Variants in ATP10B observed in about 807,000 individuals in gnomAD.
ATP10B encodes the protein phospholipid-transporting ATPase VB.
A neutral mutation model predicts 141.2 loss-of-function variants in ATP10B; 122 were observed. The ratio of observed to expected loss-of-function variants is 0.86; its 90% CI spans 0.75 to 1.00. The LOEUF (loss-of-function observed/expected upper bound fraction) is 1.00, where lower values mean the gene tolerates loss of function less well. Ranked by LOEUF, ATP10B falls within the 50% of genes least tolerant of loss-of-function variation. The pLI, the probability that ATP10B is intolerant of heterozygous loss-of-function variation, is 0.00. For missense variants in ATP10B, 1,876 were observed against 1,825.3 expected, an observed-to-expected ratio of 1.03 and a Z score of -0.51; for synonymous variants, 685 against 692.0, an observed-to-expected ratio of 0.99 and a Z score of 0.16.
At chr5:160,663,653 C>A (rs10045305) in intron 7 of ATP10B, among the ~76,000 whole-genome samples, 2 of 150,940 alleles carry the variant, frequency 1.3e-5, no homozygotes, top group African/African-American at 2.4e-5. Flanking sequence ...GTGGGGAGAG[C>A]GGGGAGGGAT....
the ATP10B span, among the ~76,000 whole-genome samples, chr5:160,863,680 T>A: frequency 2.6e-5 from 4 of 151,932 alleles, no homozygotes; most frequent in African/African-American, 4.8e-5. Flanking sequence ...TTTGAAAAGA[T>A]AAATAAAATT....
intron 1 of ATP10B, among the ~76,000 whole-genome samples, chr5:160,824,698 A>G (rs1303081359): frequency 6.6e-6 from 1 of 152,210 alleles, no homozygotes; most frequent in African/African-American, 2.4e-5. Context: ...AAGTGTTTGT[A>G]TATCTAAACA....
chr5:160,644,097 T>A (rs762151633), intron 9 of ATP10B, 41 bp downstream of exon 9: 8 of 1,546,266 alleles, frequency 5.2e-6, no homozygotes, highest in African/African-American at 1.4e-5. Flanking sequence ...GGGGGAAGGA[T>A]AAAGGAAAAT....
intron 1 of ATP10B, among the ~76,000 whole-genome samples, chr5:160,827,377 T>A (rs1442420568): frequency 6.6e-6 from 1 of 152,226 alleles, no homozygotes. Context: ...GGTATCTAAT[T>A]GTGGTTTTGA....
At position 160,620,911 on chromosome 5, in the gene ATP10B, G is replaced by A. The variant is rs1282350919; in HGVS notation, c.1852C>T (p.Leu618=). 1 of 1,614,130 alleles carries A rather than the reference G, an allele frequency of 6.2e-7. No homozygotes were observed. The highest frequency in any genetic ancestry group is 8.5e-7 in the Non-Finnish European group (1 of 1,180,016). Residue 618 remains leucine (L), a synonymous_variant, in exon 15 of 26, where the codon CTG becomes TTG. Coordinates refer to ENST00000327245, the MANE Select transcript of ATP10B (RefSeq NM_025153.3). ...KPSSKALGTS[L]EKIQQLFQKL... ...TGGAAGAGCTGCTGAATCTTCTCCA[G>A]GGACGTCCCCAGAGCCTTGCTTGAG... is the stretch of plus-strand genomic sequence containing the variant.
chr5:160,593,725 T>G (rs558508368), intron 22 of ATP10B, among the ~76,000 whole-genome samples: 2 of 152,320 alleles, frequency 1.3e-5, no homozygotes, highest in African/African-American at 4.8e-5. Context: ...AAGGAGCTGA[T>G]GGAGCTGAAA....
intron 15 of ATP10B, among the ~76,000 whole-genome samples, chr5:160,619,610 A>G (rs1758210476): frequency 6.6e-6 from 1 of 152,202 alleles, no homozygotes; most frequent in African/African-American, 2.4e-5. Context: ...GCAATTCTGA[A>G]GCTTGGCTGG....
At chr5:160,733,680 TATAC>T (rs34845323) in intron 2 of ATP10B, among the ~76,000 whole-genome samples, 1 of 22,314 alleles carries the variant, frequency 4.5e-5, no homozygotes, top group African/African-American at 4.3e-4. Flanking sequence ...TATATATATA[TATAC>T]ACACACACAT....
At chr5:160,660,290 A>AG (rs1177930522) in intron 7 of ATP10B, among the ~76,000 whole-genome samples, 3 of 152,248 alleles carry the variant, frequency 2.0e-5, no homozygotes, top group Non-Finnish European at 4.4e-5. Context: ...AAAAGGAACC[A>AG]GATCTACCAA....
chr5:160,745,336 G>A (rs1767738623), intron 2 of ATP10B, among the ~76,000 whole-genome samples: 1 of 152,138 alleles, frequency 6.6e-6, no homozygotes. Flanking sequence ...ATTAAAGCCA[G>A]ATTCCTCTTA....
chr5:160,788,246 C>T (rs1771311412), intron 1 of ATP10B, among the ~76,000 whole-genome samples: 1 of 152,146 alleles, frequency 6.6e-6, no homozygotes, highest in African/African-American at 2.4e-5. Context: ...TGGGACATTC[C>T]AGTAAACCTT....
At chr5:160,653,738 A>G (rs1382518456) in intron 7 of ATP10B, among the ~76,000 whole-genome samples, 1 of 126,780 alleles carries the variant, frequency 7.9e-6, no homozygotes, top group African/African-American at 3.2e-5. Context: ...TTATATATAC[A>G]TATATTACAT....
intron 1 of ATP10B, among the ~76,000 whole-genome samples, chr5:160,830,077 G>A (rs981034814): frequency 4.6e-5 from 7 of 152,052 alleles, no homozygotes; most frequent in African/African-American, 7.2e-5. Flanking sequence ...GTATGATGTT[G>A]GCTGTGGATT....
At chr5:160,615,000 C>T (rs1208582731) in intron 17 of ATP10B, among the ~76,000 whole-genome samples, 1 of 152,182 alleles carries the variant, frequency 6.6e-6, no homozygotes, top group Non-Finnish European at 1.5e-5. Flanking sequence ...TTGGCAATGC[C>T]TTTCCTCCAA....
In ATP10B at chr5:160,660,020, T is replaced by C. The variant is rs139397832; in HGVS notation, c.675+10443A>G. Among the ~76,000 whole-genome samples the C allele has an allele frequency of 2.5e-3, 377 of 152,278 alleles. 1 individual carries two copies. The highest frequency in any genetic ancestry group is 8.8e-3 in the African/African-American group (365 of 41,560). ...TTCCTAAAATTTCAACCTCATAGAA[T>C]TTCTGTGAGTGTTAAATATCAAAAG... is the stretch of plus-strand genomic sequence containing the variant. On this transcript the variant is annotated intron_variant, in intron 7 of 25. Transcript: ENST00000327245.
the ATP10B span, among the ~76,000 whole-genome samples, chr5:160,876,358 C>T: frequency 1.4e-5 from 2 of 147,738 alleles, no homozygotes; most frequent in Admixed American, 1.4e-4. Flanking sequence ...ACACAACATA[C>T]CAGGATCTCT....
chr5:160,828,189 C>T (rs1774779934), intron 1 of ATP10B, among the ~76,000 whole-genome samples: 1 of 152,108 alleles, frequency 6.6e-6, no homozygotes, highest in Admixed American at 6.6e-5. Flanking sequence ...GCAATGGCAA[C>T]AGAAGCCAAA....
chr5:160,678,439 A>G (rs1205188576), intron 6 of ATP10B, among the ~76,000 whole-genome samples: 1 of 152,178 alleles, frequency 6.6e-6, no homozygotes, highest in African/African-American at 2.4e-5. Flanking sequence ...TGGGAGGACC[A>G]CTTGAGGCCA....
chr5:160,584,063 C>A (rs1343361323), intron 24 of ATP10B, among the ~76,000 whole-genome samples: 3 of 151,848 alleles, frequency 2.0e-5, no homozygotes, highest in Non-Finnish European at 4.4e-5. Context: ...GCATTCCAGG[C>A]ACCACTGGGG....
Sources: gnomAD v4.1 joint callset for allele counts (sites outside exome capture counted in the v4.1 genomes callset) on GRCh38, gnomAD v4.1.1 for gene constraint, MANE v1.5 for transcripts, NCBI Gene and HGNC (gene_info 2026-07-23, HGNC 2026-07-21) for gene names.